The following CAMKMT variants were observed in gnomAD, a reference collection of about 807,000 sequenced individuals.
The protein encoded by CAMKMT is CaM KMT.
CAMKMT carries 53 observed loss-of-function variants against 48.0 expected under a neutral mutation model. That is an observed-to-expected ratio of 1.10 (90% CI 0.89 to 1.39). CAMKMT has a LOEUF of 1.39. CAMKMT is among the 40% of genes most tolerant of loss of function. CAMKMT has a pLI of 0.00. For missense variants in CAMKMT, 428 were observed against 402.7 expected, an observed-to-expected ratio of 1.06 and a Z score of -0.54; for synonymous variants, 165 against 152.3, an observed-to-expected ratio of 1.08 and a Z score of -0.61.
intron 3 of CAMKMT, among the ~76,000 whole-genome samples, chr2:44,502,851 C>T (rs1357092979): frequency 6.6e-6 from 1 of 151,776 alleles, no homozygotes; most frequent in Non-Finnish European, 1.5e-5. Flanking sequence ...TTTTCTTAGC[C>T]AATTAAAGGA....
chr2:44,410,448 A>G (rs1683126011), intron 3 of CAMKMT, among the ~76,000 whole-genome samples: 1 of 149,644 alleles, frequency 6.7e-6, no homozygotes, highest in East Asian at 1.9e-4. Context: ...TTTAGTAAAG[A>G]TGGGGTTTCA....
chr2:44,730,490 TCA>T (rs1269974582), intron 7 of CAMKMT, among the ~76,000 whole-genome samples: 2 of 152,236 alleles, frequency 1.3e-5, no homozygotes, highest in Non-Finnish European at 2.9e-5. Flanking sequence ...GTACTGCTGC[TCA>T]CAGCATCCAC....
At position 44,630,523 on chromosome 2, in the gene CAMKMT, C is replaced by T. The variant is rs929101535; in HGVS notation, c.377-73760C>T. ...CTGACAAAGGGCTAATATCCAGAATCTACAATGAACTCAAACAAATTTACA... is the reference window on the plus strand; with the variant it reads ...CTGACAAAGGGCTAATATCCAGAATTTACAATGAACTCAAACAAATTTACA... On this transcript the variant is annotated intron_variant, in intron 3 of 10. Coordinates refer to ENST00000378494, the MANE Select transcript of CAMKMT (RefSeq NM_024766.5). 1.3e-5 allele frequency among the ~76,000 whole-genome samples: 2 copies of T among 150,388 alleles called. 1 individual carries two copies. The highest frequency in any genetic ancestry group is 4.9e-5 in the African/African-American group (2 of 40,990).
chr2:44,666,612 C>CTTTTTTTTTTTTTT (rs1293884982), intron 3 of CAMKMT, among the ~76,000 whole-genome samples: 26 of 133,966 alleles, frequency 1.9e-4, no homozygotes, highest in African/African-American at 7.3e-4. Flanking sequence ...CTCCTGGAAT[C>CTTTTTTTTTTTTTT]TTTTTTTTTT....
chr2:44,515,745 G>A (rs1266443716), intron 3 of CAMKMT, among the ~76,000 whole-genome samples: 1 of 152,198 alleles, frequency 6.6e-6, no homozygotes, highest in Non-Finnish European at 1.5e-5. Flanking sequence ...GGAAGCTTAG[G>A]TGAGAAGACA....
chr2:44,695,338 T>A (rs1237274448), intron 3 of CAMKMT, among the ~76,000 whole-genome samples: 1 of 152,186 alleles, frequency 6.6e-6, no homozygotes, highest in Non-Finnish European at 1.5e-5. Flanking sequence ...TCATTAGTGT[T>A]CTTGTCTTGT....
intron 3 of CAMKMT, among the ~76,000 whole-genome samples, chr2:44,609,242 TA>T (rs1200631323): frequency 6.6e-6 from 1 of 152,170 alleles, no homozygotes; most frequent in Non-Finnish European, 1.5e-5. Context: ...AAAGAACACA[TA>T]ATTACAGTTA....
At chr2:44,593,584 TTC>T (rs973263853) in intron 3 of CAMKMT, among the ~76,000 whole-genome samples, 8 of 152,174 alleles carry the variant, frequency 5.3e-5, no homozygotes, top group African/African-American at 1.9e-4. Flanking sequence ...CTCATTTGTA[TTC>T]TGTCTCCCAG....
At chr2:44,491,784 C>A (rs1161221496) in intron 3 of CAMKMT, among the ~76,000 whole-genome samples, 1 of 152,034 alleles carries the variant, frequency 6.6e-6, no homozygotes, top group African/African-American at 2.4e-5. Context: ...CAGAATGGGC[C>A]CTTTTTAATT....
chr2:44,567,360 A>G (rs1668669010), intron 3 of CAMKMT, among the ~76,000 whole-genome samples: 1 of 152,208 alleles, frequency 6.6e-6, no homozygotes, highest in Admixed American at 6.5e-5. Context: ...TGATCTCTGC[A>G]TGGACGTGAT....
At chr2:44,587,175 A>AG (rs1408655789) in intron 3 of CAMKMT, among the ~76,000 whole-genome samples, 4 of 152,166 alleles carry the variant, frequency 2.6e-5, no homozygotes, top group Non-Finnish European at 5.9e-5. Flanking sequence ...TTCTGAATAC[A>AG]AGTCCTTTAG....
intron 3 of CAMKMT, among the ~76,000 whole-genome samples, chr2:44,492,676 T>C (rs1669565331): frequency 6.6e-6 from 1 of 152,106 alleles, no homozygotes; most frequent in African/African-American, 2.4e-5. Flanking sequence ...TGGTTTATCT[T>C]TGGTGTCAAT....
chr2:44,559,208 C>T (rs1323756479), intron 3 of CAMKMT, among the ~76,000 whole-genome samples: 1 of 152,180 alleles, frequency 6.6e-6, no homozygotes, highest in Non-Finnish European at 1.5e-5. Flanking sequence ...TTTGCAGAAT[C>T]ATGAAATGAT....
At chr2:44,642,817 C>G (rs1160652293) in intron 3 of CAMKMT, among the ~76,000 whole-genome samples, 1 of 152,018 alleles carries the variant, frequency 6.6e-6, no homozygotes, top group African/African-American at 2.4e-5. Flanking sequence ...TCAGGGAGGG[C>G]TTGGTAAATG....
At chr2:44,455,650 G>T (rs1667523989) in intron 3 of CAMKMT, among the ~76,000 whole-genome samples, 1 of 152,142 alleles carries the variant, frequency 6.6e-6, no homozygotes, top group Non-Finnish European at 1.5e-5. Flanking sequence ...ATCACTAGCT[G>T]TGTAACTTTG....
intron 3 of CAMKMT, among the ~76,000 whole-genome samples, chr2:44,510,675 G>A (rs1264180432): frequency 6.6e-6 from 1 of 152,044 alleles, no homozygotes; most frequent in East Asian, 1.9e-4. Flanking sequence ...CATTTCAATA[G>A]TTTTCGGGGT....
chr2:44,440,447 T>C (rs1242703475), intron 3 of CAMKMT, among the ~76,000 whole-genome samples: 2 of 152,186 alleles, frequency 1.3e-5, no homozygotes, highest in East Asian at 1.9e-4. Context: ...TCCTACCTCA[T>C]AGCATGTGCT....
At chr2:44,394,841 T>G in intron 3 of CAMKMT, 1 of 454,052 alleles carries the variant, frequency 2.2e-6, no homozygotes. Flanking sequence ...GGGGTGGTAA[T>G]CAGTTATTAT....
chr2:44,516,772 C>T (rs1254776178), intron 3 of CAMKMT, among the ~76,000 whole-genome samples: 1 of 135,460 alleles, frequency 7.4e-6, no homozygotes, highest in Non-Finnish European at 1.5e-5. Flanking sequence ...GACGGAGTCT[C>T]ACTCTGTCAC....
Sources: gnomAD v4.1 joint callset for allele counts (sites outside exome capture counted in the v4.1 genomes callset) on GRCh38, gnomAD v4.1.1 for gene constraint, MANE v1.5 for transcripts, NCBI Gene and HGNC (gene_info 2026-07-23, HGNC 2026-07-21) for gene names.